The following ROBO2 variants were observed in gnomAD, a reference collection of about 807,000 sequenced individuals.
The protein encoded by ROBO2 is roundabout guidance receptor 2.
ROBO2 carries 53 observed loss-of-function variants against 160.8 expected under a neutral mutation model. The ratio of observed to expected loss-of-function variants is 0.33; its 90% CI spans 0.26 to 0.41. The LOEUF is 0.41. Ranked by LOEUF, ROBO2 falls within the 10% of genes least tolerant of loss-of-function variation. The pLI, the probability that ROBO2 is intolerant of heterozygous loss-of-function variation, is 1.00. For missense variants in ROBO2, 1,577 were observed against 1,722.4 expected (o/e 0.92, Z 1.49); for synonymous variants, 664 against 611.7 (o/e 1.09, Z -1.26).
chr3:76,116,837 G>C (rs1480681056), intron 2 of ROBO2, among the ~76,000 whole-genome samples: 1 of 152,096 alleles, frequency 6.6e-6, no homozygotes. Context: ...TAATTTAGCT[G>C]CATATTTTTT....
intron 24 of ROBO2, among the ~76,000 whole-genome samples, chr3:77,641,278 A>G (rs1054151510): frequency 3.3e-5 from 5 of 152,230 alleles, no homozygotes; most frequent in African/African-American, 1.2e-4. Context: ...ACATGAGGAC[A>G]TACGTAAGAA....
chr3:76,621,904 A>T (rs1454534268), intron 2 of ROBO2, among the ~76,000 whole-genome samples: 1 of 152,148 alleles, frequency 6.6e-6, no homozygotes. Flanking sequence ...TTAACTATAC[A>T]AATATCTCAG....
chr3:77,418,456 G>A (rs1204522217), intron 2 of ROBO2, among the ~76,000 whole-genome samples: 1 of 151,998 alleles, frequency 6.6e-6, no homozygotes, highest in East Asian at 1.9e-4. Flanking sequence ...TTATAAAATG[G>A]ACTAAATTTG....
intron 2 of ROBO2, among the ~76,000 whole-genome samples, chr3:77,185,556 CTGGTGGGAA>C (rs2081204039): frequency 6.6e-6 from 1 of 151,844 alleles, no homozygotes; most frequent in South Asian, 2.1e-4. Context: ...GGGAACATTG[CTGGTGGGAA>C]TGTAAACTAG....
At chr3:77,138,436 T>C (rs2076448745) in intron 2 of ROBO2, among the ~76,000 whole-genome samples, 1 of 152,194 alleles carries the variant, frequency 6.6e-6, no homozygotes, top group Non-Finnish European at 1.5e-5. Flanking sequence ...GATGAGAGAA[T>C]CATGAACAGA....
chr3:77,104,581 A>G (rs1233595620), intron 2 of ROBO2, among the ~76,000 whole-genome samples: 2 of 152,140 alleles, frequency 1.3e-5, no homozygotes, highest in Admixed American at 6.6e-5. Context: ...GGGTATTCTC[A>G]TAAGTTTATG....
chr3:76,412,223 C>T (rs1012262403), intron 2 of ROBO2, among the ~76,000 whole-genome samples: 1 of 151,954 alleles, frequency 6.6e-6, no homozygotes, highest in Non-Finnish European at 1.5e-5. Flanking sequence ...ATTCATTTAC[C>T]TCCCCCTGGG....
At chr3:76,213,636 C>T (rs4855975) in intron 2 of ROBO2, among the ~76,000 whole-genome samples, 88,443 of 151,926 alleles carry the variant, frequency 0.58, 25,984 homozygotes, top group East Asian at 0.62. Context: ...TTGCAAATAT[C>T]TTGCATTTAT....
intron 2 of ROBO2, among the ~76,000 whole-genome samples, chr3:77,222,826 A>T (rs2151211570): frequency 6.6e-6 from 1 of 152,230 alleles, no homozygotes; most frequent in South Asian, 2.1e-4. Context: ...TCCTAATTTC[A>T]TTTTCGTTTC....
chr3:76,535,315 T>C (rs1340711234), intron 2 of ROBO2, among the ~76,000 whole-genome samples: 1 of 152,002 alleles, frequency 6.6e-6, no homozygotes, highest in Non-Finnish European at 1.5e-5. Flanking sequence ...TGAGGAGAAT[T>C]TGTAGGCTTT....
rs573933287 is a variant in ROBO2, at chr3:76,532,164, C to A, written c.110-565850C>A. ...CCAATTAGACCTTTCATTCTGTTCT[C>A]CTTTTCTTCTCTGCAATAAGCTTCT... On this transcript the variant is annotated intron_variant, in intron 2 of 26. Transcript: ENST00000487694. Among the ~76,000 whole-genome samples the A allele has an allele frequency of 4.6e-5, 7 of 152,296 alleles. No homozygotes were observed. The East Asian group carries it at 1.4e-3, about 29-fold the overall frequency.
At chr3:76,970,165 C>G (rs1325629336) in intron 2 of ROBO2, among the ~76,000 whole-genome samples, 1 of 152,126 alleles carries the variant, frequency 6.6e-6, no homozygotes, top group Admixed American at 6.6e-5. Flanking sequence ...GCCACAGTTA[C>G]TTGAAACTTG....
chr3:77,005,101 G>A (rs112330296), intron 2 of ROBO2, among the ~76,000 whole-genome samples: 25 of 152,154 alleles, frequency 1.6e-4, no homozygotes, highest in African/African-American at 5.8e-4. Context: ...CGCTTGGCAG[G>A]CTTTTCCCTT....
rs766093314 is a variant in ROBO2 at position 77,278,293 on chromosome 3, A to C, written c.388+179953A>C. Among the ~76,000 whole-genome samples the C allele has an allele frequency of 2.8e-4, 42 of 152,196 alleles. 1 individual carries two copies. Among genetic ancestry groups the C allele is most frequent in the Non-Finnish European group, 7.4e-5 (5 of 68,024 alleles). ...CATAGACTTCCACTATGTTAATGAC[A>C]AATAATATGTGTATCCTCCATTCAA... On this transcript the variant is annotated intron_variant, in intron 2 of 25. Transcript: ENST00000461745.
At chr3:76,339,365 G>A (rs950108738) in intron 2 of ROBO2, among the ~76,000 whole-genome samples, 1 of 152,052 alleles carries the variant, frequency 6.6e-6, no homozygotes, top group African/African-American at 2.4e-5. Context: ...ATTTTGAAAC[G>A]CATGCTTTAG....
chr3:76,785,482 T>A (rs2062913957), intron 2 of ROBO2, among the ~76,000 whole-genome samples: 1 of 151,290 alleles, frequency 6.6e-6, no homozygotes. Context: ...ACAGGGTAAG[T>A]ATATTTTATT....
chr3:76,688,810 T>C (rs2107156924), intron 2 of ROBO2, among the ~76,000 whole-genome samples: 1 of 152,222 alleles, frequency 6.6e-6, no homozygotes, highest in Middle Eastern at 3.4e-3. Context: ...ACTCATTTCA[T>C]AATCTCTCCT....
intron 2 of ROBO2, among the ~76,000 whole-genome samples, chr3:76,157,341 T>C (rs2072448581): frequency 6.6e-6 from 1 of 152,078 alleles, no homozygotes; most frequent in Admixed American, 6.6e-5. Context: ...GATTTGTGGG[T>C]CACTTTGGCC....
intron 4 of ROBO2, among the ~76,000 whole-genome samples, chr3:77,488,791 C>T (rs141774273): frequency 0.021 from 3,182 of 152,232 alleles, 46 homozygotes; most frequent in Non-Finnish European, 0.029. Context: ...GCAGATCCAA[C>T]GCATTTGAAA....
Sources: allele counts gnomAD v4.1 joint callset (sites outside exome capture counted in the v4.1 genomes callset), GRCh38; gene constraint gnomAD v4.1.1; transcripts MANE v1.5; gene names NCBI Gene and HGNC (gene_info 2026-07-23, HGNC 2026-07-21).